CFAP52: variants seen among roughly 807,000 people sequenced by gnomAD.
CFAP52 encodes the protein cilia and flagella associated protein 52, also known as cilia- and flagella-associated protein 52.
CFAP52 carries 57 observed loss-of-function variants against 70.5 expected under a neutral mutation model. That is an observed-to-expected ratio of 0.81 (90% CI 0.65 to 1.01). The LOEUF is 1.01. Ranked by LOEUF, CFAP52 falls within the 50% of genes least tolerant of loss-of-function variation. The pLI, the probability that CFAP52 is intolerant of heterozygous loss-of-function variation, is 0.00. For synonymous variants in CFAP52, 267 were observed against 292.5 expected (o/e 0.91, Z 0.89); for missense variants, 785 against 788.5 (o/e 1.00, Z 0.05).
chr17:9,621,911 A>G (rs1399081830), intron 8 of CFAP52, among the ~76,000 whole-genome samples: 4 of 149,284 alleles, frequency 2.7e-5, no homozygotes, highest in East Asian at 2.0e-4. Flanking sequence ...GCTAGATGAC[A>G]CGTTAGTGGG....
In CFAP52 at chr17:9,632,859, G is replaced by T. The variant is rs73253896; in HGVS notation, c.1175-29G>T. The T allele has an allele frequency of 5.8e-3, 9,312 of 1,611,438 alleles. 380 individuals carry two copies. The African/African-American group carries it at 0.1, about 17-fold the overall frequency. On this transcript the variant is annotated intron_variant, in intron 9 of 13. Transcript: ENST00000352665. The stretch of plus-strand genomic sequence containing the variant: ...GAGAGAGGGTGCATATACTGATCCT[G>T]CCTGCCTTTTGTTTCCCTTTCATGC...
intron 6 of CFAP52, among the ~76,000 whole-genome samples, chr17:9,601,864 A>G (rs185169278): frequency 6.6e-6 from 1 of 152,368 alleles, no homozygotes; most frequent in Non-Finnish European, 1.5e-5. Flanking sequence ...TTCTGATAAC[A>G]GAACAGATGG....
chr17:9,589,480 C>G (rs1336973518), intron 3 of CFAP52, among the ~76,000 whole-genome samples: 1 of 152,100 alleles, frequency 6.6e-6, no homozygotes, highest in Non-Finnish European at 1.5e-5. Context: ...CGCCTGAAAT[C>G]CCAGCACTTT....
At chr17:9,634,588 T>G (rs1597795515) in intron 10 of CFAP52, among the ~76,000 whole-genome samples, 1 of 151,286 alleles carries the variant, frequency 6.6e-6, no homozygotes, top group East Asian at 1.9e-4. Flanking sequence ...ACATTTTGTC[T>G]CAAAAAAAGA....
At chr17:9,613,398 T>C (rs896943990) in intron 8 of CFAP52, among the ~76,000 whole-genome samples, 2 of 152,152 alleles carry the variant, frequency 1.3e-5, no homozygotes, top group African/African-American at 4.8e-5. Flanking sequence ...GTTTTTGCTC[T>C]GAACTTCCTC....
At chr17:9,588,173 T>C (rs1044547281) in intron 3 of CFAP52, among the ~76,000 whole-genome samples, 2 of 152,192 alleles carry the variant, frequency 1.3e-5, no homozygotes, top group Non-Finnish European at 2.9e-5. Context: ...AGGCGTATAA[T>C]TCCACTGTTA....
At chr17:9,627,066 G>A (rs907392751) in intron 8 of CFAP52, among the ~76,000 whole-genome samples, 9 of 148,066 alleles carry the variant, frequency 6.1e-5, no homozygotes, top group African/African-American at 2.2e-4. Context: ...GGAATAATCT[G>A]TAATCTTTTG....
At chr17:9,600,874 A>G (rs531995626) in intron 6 of CFAP52, among the ~76,000 whole-genome samples, 47 of 152,286 alleles carry the variant, frequency 3.1e-4, no homozygotes, top group African/African-American at 1.1e-3. Context: ...CCAGTTCTCT[A>G]TGCCCTCGTC....
intron 3 of CFAP52, among the ~76,000 whole-genome samples, chr17:9,589,327 C>A (rs907892907): frequency 1.3e-5 from 2 of 152,112 alleles, no homozygotes; most frequent in African/African-American, 4.8e-5. Flanking sequence ...AACGATAGTT[C>A]TTCTCTTACT....
chr17:9,586,953 G>A, intron 3 of CFAP52, 119 bp downstream of exon 3: 1 of 1,242,354 alleles, frequency 8.0e-7, no homozygotes, highest in Non-Finnish European at 1.1e-6. Flanking sequence ...TTGTTGTACA[G>A]ATTATTTCAT....
downstream of CFAP52, chr17:9,645,514 C>A: frequency 6.9e-6 from 7 of 1,013,426 alleles, no homozygotes; most frequent in East Asian, 4.8e-5. The surrounding 1 kb of genome is among the most constrained non-coding windows in gnomAD (Gnocchi z 6.8). Flanking sequence ...GCCCCGTCCC[C>A]GCACACCTGG....
Position 9,643,203 on chromosome 17 carries a change from G to A in CFAP52, c.*5G>A. On this transcript the variant is annotated 3_prime_UTR_variant, in exon 14 of 14. Transcript: ENST00000352665. ...AAGTACCCATATACCTCCTGAAGCT[G>A]ATGAGATGTCTCTGAGCCTTGGCGT... The A allele has an allele frequency of 1.3e-6, 2 of 1,599,110 alleles. No individual in the cohort carries two copies. Among genetic ancestry groups the A allele is most frequent in the Non-Finnish European group, 1.7e-6 (2 of 1,171,586 alleles).
At chr17:9,597,671 C>CG (rs1312344489) in intron 4 of CFAP52, 1 of 152,272 alleles carries the variant, frequency 6.6e-6, no homozygotes, top group African/African-American at 2.4e-5. Context: ...GGCGTGGTGG[C>CG]GGGCACCTGT....
At chr17:9,586,568 CAAAAA>C (rs11296135) in intron 2 of CFAP52, 125 bp from the exon 3 acceptor site, 1,059 of 891,208 alleles carry the variant, frequency 1.2e-3, no homozygotes, top group South Asian at 2.7e-3. Flanking sequence ...TCCGTCTCAA[CAAAAA>C]AAAAAAAAAA....
chr17:9,616,753 C>T (rs1461820813), intron 8 of CFAP52, among the ~76,000 whole-genome samples: 4 of 136,786 alleles, frequency 2.9e-5, no homozygotes, highest in Non-Finnish European at 3.1e-5. Flanking sequence ...ACACCTCACA[C>T]GGCAGGGTAT....
intron 9 of CFAP52, among the ~76,000 whole-genome samples, chr17:9,631,010 GAA>G (rs1910465957): frequency 3.8e-5 from 2 of 52,102 alleles, no homozygotes; most frequent in Non-Finnish European, 6.1e-5. Flanking sequence ...AAGAAAGAAA[GAA>G]AGAAAGAAAG....
chr17:9,598,332 GAGTA>G lies in CFAP52; in HGVS notation c.636+4_636+7del. The G allele has an allele frequency of 1.2e-6, 2 of 1,608,436 alleles. No homozygotes were observed. The highest frequency in any genetic ancestry group is 1.7e-6 in the Non-Finnish European group (2 of 1,177,500). On this transcript the variant is annotated splice_donor_variant and splice_donor_region_variant and coding_sequence_variant and intron_variant, in exon 5 of 14. Coordinates refer to ENST00000352665, the MANE Select transcript of CFAP52 (RefSeq NM_145054.5). LOFTEE classifies it high-confidence loss of function. ...TTGAAAAGAATAGTCATGAGTATTG[GAGTA>G]AGTATTAATTTAAGTATTAAGTAAC...
chr17:9,580,318 T>TAA (rs11386649), intron 1 of CFAP52, among the ~76,000 whole-genome samples: 7,272 of 134,662 alleles, frequency 0.054, 225 homozygotes, highest in Non-Finnish European at 0.062. Flanking sequence ...GGACCTTTCT[T>TAA]AAAAAAAAAA....
chr17:9,615,621 G>T (rs1277117427), intron 8 of CFAP52, among the ~76,000 whole-genome samples: 1 of 149,038 alleles, frequency 6.7e-6, no homozygotes, highest in Non-Finnish European at 1.5e-5. Flanking sequence ...CCCTTGAATT[G>T]TTTTTTTTTC....
Sources: gnomAD v4.1 joint callset for allele counts (sites outside exome capture counted in the v4.1 genomes callset) on GRCh38, gnomAD v4.1.1 for gene constraint, Gnocchi (gnomAD v3.1) non-coding constraint, MANE v1.5 for transcripts, NCBI Gene and HGNC (gene_info 2026-07-23, HGNC 2026-07-21) for gene names.